UBE2R2: variants seen among roughly 807,000 people sequenced by gnomAD.
The protein encoded by UBE2R2 is ubiquitin conjugating enzyme E2 R2.
In UBE2R2, 1 loss-of-function variant was observed where a neutral mutation model predicts 27.8. The observed-to-expected ratio is 0.04, with a 90% confidence interval of 0.01 to 0.17. The LOEUF is 0.17. Among genes scored for constraint, UBE2R2 ranks in the 10% least tolerant of loss-of-function variants. The pLI is 1.00. For synonymous variants in UBE2R2, 106 were observed against 113.3 expected, an observed-to-expected ratio of 0.94 and a Z score of 0.41; for missense variants, 100 against 291.0, an observed-to-expected ratio of 0.34 and a Z score of 4.78.
chr9:33,818,547 A>G (rs1587418987), intron 1 of UBE2R2: 1 of 125,612 alleles, frequency 8.0e-6, no homozygotes, highest in Non-Finnish European at 1.9e-5. Context: ...AAAAAAAAAA[A>G]AAAAAGGGTG....
rs138622833 is a variant in UBE2R2, at chr9:33,917,640, TCAC to T, written c.*404_*406del. 6.0e-6 allele frequency: 2 copies of T among 331,458 alleles called. No homozygotes were observed. Among genetic ancestry groups the T allele is most frequent in the East Asian group, 9.6e-5 (2 of 20,850 alleles). 20.5% of individuals were successfully genotyped at this position (331,458 alleles called of 1,614,324 possible). A position where few individuals can be genotyped will look rare whatever the true frequency, so the allele number is the denominator to read the frequency against. On this transcript the variant is annotated 3_prime_UTR_variant, in exon 5 of 5. Transcript: ENST00000263228. ...TTAAAGCTGGGAACCTGTTGGGAGTTCACAAGTGCTGCATATACTGGGTAGCAA... is the reference window on the plus strand; with the variant it reads ...TTAAAGCTGGGAACCTGTTGGGAGTTAAGTGCTGCATATACTGGGTAGCAA...
intron 1 of UBE2R2, among the ~76,000 whole-genome samples, chr9:33,869,743 C>T (rs1821444006): frequency 1.3e-5 from 2 of 152,118 alleles, no homozygotes; most frequent in South Asian, 4.1e-4. Context: ...AGCCACCGTG[C>T]CTGGCCGGGA....
At chr9:33,834,286 C>T (rs1391340536) in intron 1 of UBE2R2, among the ~76,000 whole-genome samples, 8 of 151,516 alleles carry the variant, frequency 5.3e-5, no homozygotes, top group East Asian at 3.9e-4. Flanking sequence ...CTGCAACCTC[C>T]GTCTCCCGGG....
chr9:33,911,945 C>A lies in UBE2R2; in HGVS notation c.363-19C>A. 1 of 1,605,088 alleles carries A rather than the reference C, an allele frequency of 6.2e-7. No individual in the cohort carries two copies. Among genetic ancestry groups the A allele is most frequent in the Non-Finnish European group, 8.5e-7 (1 of 1,176,568 alleles). On this transcript the variant is annotated intron_variant, in intron 3 of 4. Transcript: ENST00000263228. ...GTAAATATGGGTATTCATAGCTGAT[C>A]CTTTTTTCCTGTTTCTAGGACTATC... is the stretch of plus-strand genomic sequence containing the variant.
chr9:33,917,164 TTGA>T lies in UBE2R2; in HGVS notation c.651_653del (p.Asp217del), dbSNP rs1822667539. On this transcript the variant is annotated inframe_deletion, in exon 5 of 5. Transcript: ENST00000263228. ...TACGACGACTTGTATGATGACGACA[TTGA>T]TGATGAAGATGAGGAGGAGGAAGAT... 6.2e-7 allele frequency: 1 copy of T among 1,614,076 alleles called. No homozygotes were observed. Among genetic ancestry groups the T allele is most frequent in the Non-Finnish European group, 8.5e-7 (1 of 1,180,012 alleles).
At chr9:33,850,753 G>A (rs1325612230) in intron 1 of UBE2R2, among the ~76,000 whole-genome samples, 1 of 152,136 alleles carries the variant, frequency 6.6e-6, no homozygotes, top group Non-Finnish European at 1.5e-5. Context: ...AACATGTGGT[G>A]TAAGACTTAC....
Position 33,827,411 on chromosome 9 carries a change from C to T in UBE2R2, c.177+9477C>T, listed in dbSNP as rs543206125. Among the ~76,000 whole-genome samples, 11 of 151,994 alleles carry T rather than the reference C, an allele frequency of 7.2e-5. No individual in the cohort carries two copies. The East Asian group carries it at 1.8e-3, about 24-fold the overall frequency. ...ATCCCAGCACTTTGGGATGCCAAAG[C>T]GGGCGAATCACTTGAGATTAGGAGT... is the stretch of plus-strand genomic sequence containing the variant. On this transcript the variant is annotated intron_variant, in intron 1 of 4. Coordinates refer to ENST00000263228, the MANE Select transcript of UBE2R2 (RefSeq NM_017811.4).
At chr9:33,913,298 C>G (rs1238054405) in intron 4 of UBE2R2, among the ~76,000 whole-genome samples, 3 of 152,178 alleles carry the variant, frequency 2.0e-5, no homozygotes, top group Admixed American at 2.0e-4. Flanking sequence ...TGGTCTTACT[C>G]TGTTGCCTGG....
In UBE2R2 at chr9:33,917,156, T is replaced by C. The variant is rs184815327; in HGVS notation, c.636T>C (p.Asp212=). Residue 212 remains aspartate (D), a synonymous_variant, in exon 5 of 5, where the codon GAT becomes GAC. Coordinates refer to ENST00000263228, the MANE Select transcript of UBE2R2 (RefSeq NM_017811.4). ...SSDLLYDDLY[D]DDIDDEDEEE... ...ATTTGCTTTACGACGACTTGTATGATGACGACATTGATGATGAAGATGAGG... is the reference window on the plus strand; with the variant it reads ...ATTTGCTTTACGACGACTTGTATGACGACGACATTGATGATGAAGATGAGG... 167 of 1,614,190 alleles carry C rather than the reference T, an allele frequency of 1.0e-4. 1 individual carries two copies. The Admixed American group carries it at 2.2e-3, about 22-fold the overall frequency.
chr9:33,835,673 C>T (rs1199191737), intron 1 of UBE2R2, among the ~76,000 whole-genome samples: 3 of 151,314 alleles, frequency 2.0e-5, no homozygotes, highest in East Asian at 3.9e-4. Flanking sequence ...CTTGAGCCCA[C>T]GAGTTCAAGA....
At chr9:33,871,618 A>T (rs1463307381) in intron 1 of UBE2R2, among the ~76,000 whole-genome samples, 2 of 152,248 alleles carry the variant, frequency 1.3e-5, no homozygotes, top group Non-Finnish European at 2.9e-5. Flanking sequence ...ATTAGTCAAA[A>T]AAGATGTAAG....
rs4817 is a variant in UBE2R2 at position 33,917,500 on chromosome 9, T to C, written c.*263T>C. 0.39 allele frequency: 215,593 copies of C among 553,206 alleles called. 43,537 individuals carry two copies. The highest frequency in any genetic ancestry group is 0.49 in the African/African-American group (25,491 of 52,380). The allele number at this position is 553,206 out of a possible 1,614,324, so 34.3% of individuals were successfully genotyped here. A position where few individuals can be genotyped will look rare whatever the true frequency, so the allele number is the denominator to read the frequency against. On this transcript the variant is annotated 3_prime_UTR_variant, in exon 5 of 5. Transcript: ENST00000263228. ...CTATATTGATTCTTTTTTTAAAAAA[T>C]ATGAACCCAAACTCCCGCCTCACTT...
At chr9:33,900,314 T>C (rs375362050) in intron 3 of UBE2R2, 43 bp downstream of exon 3, 85 of 1,392,806 alleles carry the variant, frequency 6.1e-5, no homozygotes, top group Non-Finnish European at 8.3e-5. Context: ...AATCTCCTTA[T>C]TGTCTTTGCT....
At chr9:33,833,813 A>G (rs771963152) in intron 1 of UBE2R2, among the ~76,000 whole-genome samples, 6 of 152,108 alleles carry the variant, frequency 3.9e-5, no homozygotes, top group Non-Finnish European at 5.9e-5. Context: ...CCTTGCCTTC[A>G]TTCTCTGGTA....
intron 1 of UBE2R2, among the ~76,000 whole-genome samples, chr9:33,855,712 C>T (rs1563989496): frequency 6.6e-6 from 1 of 152,154 alleles, no homozygotes; most frequent in Non-Finnish European, 1.5e-5. Flanking sequence ...ATCTACCAGC[C>T]AGGAAACTTG....
intron 1 of UBE2R2, among the ~76,000 whole-genome samples, chr9:33,875,481 C>T (rs570111678): frequency 1.3e-5 from 2 of 152,206 alleles, no homozygotes; most frequent in East Asian, 3.9e-4. Context: ...GTGCCACACC[C>T]CTGTAGTCCC....
At chr9:33,887,645 T>TG (rs1228856144) in intron 2 of UBE2R2, among the ~76,000 whole-genome samples, 31 of 126,800 alleles carry the variant, frequency 2.4e-4, no homozygotes, top group Non-Finnish European at 4.4e-4. Flanking sequence ...TAAGTGTGCT[T>TG]TTTTGTTTGT....
chr9:33,834,411 C>T (rs1348984308), intron 1 of UBE2R2, among the ~76,000 whole-genome samples: 3 of 151,522 alleles, frequency 2.0e-5, no homozygotes, highest in Admixed American at 6.6e-5. Context: ...CGGGTTTCAC[C>T]GTGTTGGTCA....
At chr9:33,865,188 C>G (rs1036165098) in intron 1 of UBE2R2, among the ~76,000 whole-genome samples, 9 of 150,478 alleles carry the variant, frequency 6.0e-5, no homozygotes, top group Non-Finnish European at 1.2e-4. Flanking sequence ...CTCTCTGTCT[C>G]TCTCTCTATC....
Sources: allele counts gnomAD v4.1 joint callset (sites outside exome capture counted in the v4.1 genomes callset), GRCh38; gene constraint gnomAD v4.1.1; transcripts MANE v1.5; gene names NCBI Gene and HGNC (gene_info 2026-07-23, HGNC 2026-07-21).